The following NPFFR2 variants were observed in gnomAD, a reference collection of about 807,000 sequenced individuals.
NPFFR2 encodes neuropeptide FF receptor 2.
NPFFR2 carries 15 observed loss-of-function variants against 13.1 expected under a neutral mutation model. The observed-to-expected ratio is 1.15, with a 90% CI of 0.77 to 1.76. NPFFR2 has a LOEUF of 1.76. Among genes scored for constraint, NPFFR2 ranks in the 40% most tolerant of loss-of-function variants. The pLI, the probability that NPFFR2 is intolerant of heterozygous loss-of-function variation, is 0.00. For synonymous variants in NPFFR2, 190 were observed against 175.7 expected (o/e 1.08, Z -0.65); for missense variants, 572 against 503.5 (o/e 1.14, Z -1.30).
chr4:72,133,690 T>G (rs910206521), intron 2 of NPFFR2, among the ~76,000 whole-genome samples: 1 of 152,162 alleles, frequency 6.6e-6, no homozygotes, highest in Non-Finnish European at 1.5e-5. Context: ...CTTTGAACAG[T>G]GTTTTGTAGT....
chr4:72,035,828 G>A (rs984600996), intron 1 of NPFFR2, among the ~76,000 whole-genome samples: 26 of 151,566 alleles, frequency 1.7e-4, no homozygotes, highest in Non-Finnish European at 2.9e-5. Context: ...TTTTCTTCTT[G>A]GGCTATTGTA....
chr4:72,081,685 C>T (rs1720626429), intron 1 of NPFFR2, among the ~76,000 whole-genome samples: 2 of 151,850 alleles, frequency 1.3e-5, no homozygotes, highest in Admixed American at 1.3e-4. Flanking sequence ...AGATGGGGAT[C>T]TTGCTATGTT....
At chr4:72,047,012 A>G (rs1719398671) in intron 1 of NPFFR2, among the ~76,000 whole-genome samples, 1 of 152,194 alleles carries the variant, frequency 6.6e-6, no homozygotes. Flanking sequence ...GAACTAGGAT[A>G]TCTGGTGGAA....
intron 1 of NPFFR2, among the ~76,000 whole-genome samples, chr4:72,090,086 T>C (rs1273757208): frequency 1.3e-5 from 2 of 152,170 alleles, no homozygotes; most frequent in Non-Finnish European, 2.9e-5. Context: ...GGGTGTCCTT[T>C]CTCCACTCTT....
At chr4:72,079,301 G>A (rs941753960) in intron 1 of NPFFR2, among the ~76,000 whole-genome samples, 20 of 151,868 alleles carry the variant, frequency 1.3e-4, no homozygotes, top group Middle Eastern at 3.4e-3. Context: ...TTTGATCTTC[G>A]TCTTCTATTT....
intron 1 of NPFFR2, among the ~76,000 whole-genome samples, chr4:72,061,220 A>G (rs1016829398): frequency 3.9e-5 from 6 of 152,190 alleles, no homozygotes; most frequent in African/African-American, 1.4e-4. Flanking sequence ...GCTGAAGCTC[A>G]TAGAGCTGAC....
At chr4:72,050,926 TA>T (rs1719545582) in intron 1 of NPFFR2, among the ~76,000 whole-genome samples, 1 of 151,956 alleles carries the variant, frequency 6.6e-6, no homozygotes. Context: ...TCCATGTCCC[TA>T]CAAAGGACAT....
rs73824737 is a variant in NPFFR2, at chr4:72,070,982, A to G, written c.-8+38782A>G. On this transcript the variant is annotated intron_variant, in intron 1 of 3. Transcript: ENST00000308744. ...CATGTTCTTTGAGAGGGAGAGTAAC[A>G]GTTGACTGCATTTCTAGTTTTAAAA... 7.0e-4 allele frequency among the ~76,000 whole-genome samples: 107 copies of G among 152,306 alleles called. 1 individual carries two copies. Among genetic ancestry groups the G allele is most frequent in the African/African-American group, 2.5e-3 (102 of 41,578 alleles).
intron 1 of NPFFR2, among the ~76,000 whole-genome samples, chr4:72,055,332 G>A (rs564693835): frequency 6.6e-6 from 1 of 151,962 alleles, no homozygotes; most frequent in East Asian, 1.9e-4. Flanking sequence ...TTGCATCTGT[G>A]AACATGATCT....
At chr4:72,127,303 CAA>C (rs772559589) in intron 1 of NPFFR2, among the ~76,000 whole-genome samples, 289 of 11,258 alleles carry the variant, frequency 0.026, no homozygotes, top group African/African-American at 0.09. Flanking sequence ...GACTCCATCT[CAA>C]AAAAAAAAAA....
intron 1 of NPFFR2, among the ~76,000 whole-genome samples, chr4:72,085,611 C>CT (rs1490546258): frequency 1.3e-5 from 2 of 152,082 alleles, no homozygotes; most frequent in African/African-American, 4.8e-5. Flanking sequence ...AATTGTTTCA[C>CT]TTTTTATTGA....
intron 3 of NPFFR2, among the ~76,000 whole-genome samples, chr4:72,140,834 A>G (rs1417082209): frequency 3.9e-5 from 6 of 152,136 alleles, no homozygotes; most frequent in African/African-American, 1.4e-4. Flanking sequence ...TTCAGAAGGT[A>G]TAGTACCAGC....
intron 1 of NPFFR2, among the ~76,000 whole-genome samples, chr4:72,119,995 A>AC (rs144106233): frequency 6.6e-6 from 1 of 151,994 alleles, no homozygotes; most frequent in African/African-American, 2.4e-5. Flanking sequence ...CAGTGGTCCC[A>AC]CCCCCACGGA....
chr4:72,041,107 C>T (rs980193692), intron 1 of NPFFR2, among the ~76,000 whole-genome samples: 2 of 152,042 alleles, frequency 1.3e-5, no homozygotes, highest in African/African-American at 4.8e-5. Flanking sequence ...AGGTAGTGAG[C>T]GAACTACCCA....
At chr4:72,135,121 A>G (rs1352216563) in intron 2 of NPFFR2, among the ~76,000 whole-genome samples, 2 of 152,126 alleles carry the variant, frequency 1.3e-5, no homozygotes, top group African/African-American at 4.8e-5. Context: ...ATTACTGCTG[A>G]AAAAACATGA....
intron 1 of NPFFR2, among the ~76,000 whole-genome samples, chr4:72,112,301 A>G (rs1211401932): frequency 6.6e-6 from 1 of 152,046 alleles, no homozygotes; most frequent in African/African-American, 2.4e-5. Context: ...CTGTTGTTCT[A>G]ACTTCTTAGT....
chr4:72,047,298 C>G (rs1034209008), intron 1 of NPFFR2, among the ~76,000 whole-genome samples: 4 of 152,102 alleles, frequency 2.6e-5, no homozygotes, highest in Non-Finnish European at 5.9e-5. Context: ...AAGAAAGACC[C>G]TGAAGGCATT....
chr4:72,037,853 G>A (rs550403837), intron 1 of NPFFR2, among the ~76,000 whole-genome samples: 1 of 152,224 alleles, frequency 6.6e-6, no homozygotes, highest in South Asian at 2.1e-4. Flanking sequence ...CAAAACTAGT[G>A]GCCCTATGCT....
At chr4:72,093,990 G>A (rs1417890562) in intron 1 of NPFFR2, among the ~76,000 whole-genome samples, 1 of 152,022 alleles carries the variant, frequency 6.6e-6, no homozygotes, top group African/African-American at 2.4e-5. Context: ...GGGACTCAAG[G>A]GCTGCTGTTC....
Sources: allele counts gnomAD v4.1 joint callset (sites outside exome capture counted in the v4.1 genomes callset), GRCh38; gene constraint gnomAD v4.1.1; transcripts MANE v1.5; gene names NCBI Gene and HGNC (gene_info 2026-07-23, HGNC 2026-07-21).